DAB1: variants seen among roughly 807,000 people sequenced by gnomAD.
DAB1 encodes the protein DAB adaptor protein 1.
Under a neutral mutation model 64.6 loss-of-function variants are expected in DAB1, and 15 were observed. That is an observed-to-expected ratio of 0.23 (90% CI 0.16 to 0.36). The LOEUF (loss-of-function observed/expected upper bound fraction) is 0.36. Ranked by LOEUF, DAB1 falls within the 10% of genes least tolerant of loss-of-function variation. The pLI, the probability that DAB1 is intolerant of heterozygous loss-of-function variation, is 1.00. For missense variants in DAB1, 596 were observed against 706.7 expected (o/e 0.84, Z 1.78); for synonymous variants, 235 against 251.9 (o/e 0.93, Z 0.64).
intron 7 of DAB1, among the ~76,000 whole-genome samples, chr1:57,521,866 T>C (rs576175588): frequency 1.8e-4 from 27 of 152,004 alleles, no homozygotes; most frequent in African/African-American, 5.6e-4. Context: ...TCCCAGCACT[T>C]TGGGTGGCTG....
chr1:57,176,947 T>C (rs1282058712), intron 2 of DAB1, among the ~76,000 whole-genome samples: 3 of 73,166 alleles, frequency 4.1e-5, no homozygotes, highest in East Asian at 8.6e-4. Flanking sequence ...AAGAAGCAGA[T>C]AAAAAAAAGA....
Position 57,553,442 on chromosome 1 carries a change from G to GAGAAAGAAAGAA in DAB1, n.625+96138_625+96149dup, listed in dbSNP as rs767173407. ...AGAAAGAAAGAAAGAAAGAAAGAAAGAGAAAGAAAGAAAGAAAGAGAAAGG... is the reference window on the plus strand; with the variant it reads ...AGAAAGAAAGAAAGAAAGAAAGAAAGAGAAAGAAAGAAAGAAAGAAAGAAAGAAAGAGAAAGG... On this transcript the variant is annotated intron_variant and non_coding_transcript_variant, in intron 7 of 20. Coordinates refer to the DAB1 transcript ENST00000485760. Among the ~76,000 whole-genome samples, 11 of 68,154 alleles carry GAGAAAGAAAGAA rather than the reference G, an allele frequency of 1.6e-4. 1 individual carries two copies. Among genetic ancestry groups the GAGAAAGAAAGAA allele is most frequent in the Non-Finnish European group, 2.0e-4 (7 of 35,794 alleles). 44.7% of individuals were successfully genotyped at this position (68,154 alleles called of 152,430 possible).
intron 7 of DAB1, among the ~76,000 whole-genome samples, chr1:57,530,706 G>C (rs1644652943): frequency 6.6e-6 from 1 of 152,108 alleles, no homozygotes; most frequent in Non-Finnish European, 1.5e-5. Context: ...TTTATCCAAT[G>C]AATGACTTTC....
chr1:58,208,713 C>T (rs1223188407), intron 4 of DAB1, among the ~76,000 whole-genome samples: 1 of 152,104 alleles, frequency 6.6e-6, no homozygotes, highest in Non-Finnish European at 1.5e-5. Flanking sequence ...GGGCTGGTTC[C>T]ATGCTTTTGC....
intron 7 of DAB1, among the ~76,000 whole-genome samples, chr1:57,515,190 G>T (rs1483649744): frequency 2.0e-5 from 3 of 152,204 alleles, no homozygotes; most frequent in Non-Finnish European, 2.9e-5. Flanking sequence ...AAAATGCCTT[G>T]TTAGTCCTGG....
At chr1:57,430,477 G>A (rs1468727474) in intron 7 of DAB1, among the ~76,000 whole-genome samples, 2 of 151,190 alleles carry the variant, frequency 1.3e-5, no homozygotes, top group Non-Finnish European at 2.9e-5. Context: ...CCGGGTTCAC[G>A]CCATTCTCCT....
chr1:57,516,382 G>A (rs1482676731), intron 7 of DAB1, among the ~76,000 whole-genome samples: 2 of 152,192 alleles, frequency 1.3e-5, no homozygotes, highest in African/African-American at 4.8e-5. Flanking sequence ...ATATGATGAA[G>A]ACATAAGACC....
At chr1:57,283,068 C>T (rs1290504904) in intron 2 of DAB1, among the ~76,000 whole-genome samples, 1 of 152,226 alleles carries the variant, frequency 6.6e-6, no homozygotes, top group Non-Finnish European at 1.5e-5. Flanking sequence ...GCAACTCAGA[C>T]AGACAAGCCC....
At chr1:57,062,084 T>C (rs1650454425) in intron 9 of DAB1, among the ~76,000 whole-genome samples, 1 of 152,154 alleles carries the variant, frequency 6.6e-6, no homozygotes, top group African/African-American at 2.4e-5. Flanking sequence ...GCATGCCAGT[T>C]GTAGGTCCTA....
intron 7 of DAB1, chr1:57,605,717 A>T: frequency 3.5e-6 from 1 of 282,730 alleles, no homozygotes. Context: ...CTGAACACTG[A>T]TGTTTTCTTC....
At chr1:58,025,268 T>C (rs1170068485) in intron 5 of DAB1, among the ~76,000 whole-genome samples, 1 of 152,054 alleles carries the variant, frequency 6.6e-6, no homozygotes, top group Non-Finnish European at 1.5e-5. Context: ...GTCATTAGAA[T>C]CAGCTGGCCA....
intron 1 of DAB1, among the ~76,000 whole-genome samples, chr1:57,840,734 T>C (rs1238032587): frequency 1.3e-5 from 2 of 152,074 alleles, no homozygotes; most frequent in East Asian, 3.9e-4. Flanking sequence ...GAACTCACTA[T>C]CATGTGAATA....
intron 3 of DAB1, among the ~76,000 whole-genome samples, chr1:58,498,198 G>C (rs985833384): frequency 6.6e-6 from 1 of 151,112 alleles, no homozygotes; most frequent in Admixed American, 6.6e-5. Context: ...TCTCTATCTT[G>C]ACATGTATTT....
At chr1:57,625,583 A>G (rs191461181) in intron 7 of DAB1, among the ~76,000 whole-genome samples, 3 of 152,330 alleles carry the variant, frequency 2.0e-5, no homozygotes, top group East Asian at 3.9e-4. Context: ...GAAGTTAAAT[A>G]GAAGATGAAG....
At chr1:57,430,042 A>G (rs1248151283) in intron 7 of DAB1, among the ~76,000 whole-genome samples, 1 of 152,130 alleles carries the variant, frequency 6.6e-6, no homozygotes, top group East Asian at 1.9e-4. Flanking sequence ...AGCATTTTAT[A>G]GGGATTATAT....
chr1:57,955,216 A>C (rs1645364020), intron 5 of DAB1, among the ~76,000 whole-genome samples: 1 of 152,138 alleles, frequency 6.6e-6, no homozygotes, highest in Non-Finnish European at 1.5e-5. Context: ...ATGTGCCATG[A>C]ACCTTGAGGC....
At chr1:57,740,112 G>T (rs1647913479) in intron 6 of DAB1, among the ~76,000 whole-genome samples, 1 of 151,578 alleles carries the variant, frequency 6.6e-6, no homozygotes, top group Admixed American at 6.6e-5. Flanking sequence ...TACTCAGGAG[G>T]CTGAGGCATG....
intron 7 of DAB1, among the ~76,000 whole-genome samples, chr1:57,642,451 C>G (rs1416503839): frequency 6.6e-6 from 1 of 152,188 alleles, no homozygotes; most frequent in Non-Finnish European, 1.5e-5. Flanking sequence ...TCTGTAATAA[C>G]AAGATCCACT....
At chr1:57,290,070 C>T (rs183092764) in intron 2 of DAB1, among the ~76,000 whole-genome samples, 9 of 152,260 alleles carry the variant, frequency 5.9e-5, no homozygotes, top group East Asian at 1.9e-4. Flanking sequence ...AAAATGTGAA[C>T]GAAACATCTA....
Sources: gnomAD v4.1 joint callset for allele counts (sites outside exome capture counted in the v4.1 genomes callset) on GRCh38, gnomAD v4.1.1 for gene constraint, MANE v1.5 for transcripts, NCBI Gene and HGNC (gene_info 2026-07-23, HGNC 2026-07-21) for gene names.